Variants in CENPL observed in about 807,000 individuals in gnomAD.
The protein encoded by CENPL is interphase centromere complex protein 33.
Under a neutral mutation model 35.2 loss-of-function variants are expected in CENPL, and 20 were observed. The ratio of observed to expected loss-of-function variants is 0.57; its 90% CI spans 0.40 to 0.83. CENPL has a LOEUF of 0.83. CENPL is among the 40% of genes least tolerant of loss of function. The pLI is 0.00. For missense variants in CENPL, 363 were observed against 395.8 expected (o/e 0.92, Z 0.70); for synonymous variants, 140 against 140.6 (o/e 1.00, Z 0.03).
At chr1:173,821,327 G>A (rs1651922921) in intron 2 of CENPL, among the ~76,000 whole-genome samples, 1 of 152,188 alleles carries the variant, frequency 6.6e-6, no homozygotes, top group Admixed American at 6.5e-5. Context: ...AATCCAGACA[G>A]TCTAACTCTG....
At chr1:173,809,236 C>T (rs1175426663) in intron 3 of CENPL, among the ~76,000 whole-genome samples, 2 of 151,620 alleles carry the variant, frequency 1.3e-5, no homozygotes, top group African/African-American at 4.8e-5. Context: ...CCAGCTACTC[C>T]GGAGGCTGAG....
chr1:173,815,149 C>A (rs1053051014), intron 2 of CENPL, among the ~76,000 whole-genome samples: 1 of 152,144 alleles, frequency 6.6e-6, no homozygotes, highest in Non-Finnish European at 1.5e-5. Context: ...GAAGTCGAAT[C>A]ACTGAATAGA....
intron 2 of CENPL, among the ~76,000 whole-genome samples, chr1:173,820,693 T>C (rs1651860853): frequency 1.3e-5 from 2 of 152,118 alleles, no homozygotes; most frequent in African/African-American, 4.8e-5. Context: ...GAATGATAAA[T>C]AAACTGTGGT....
At chr1:173,802,237 G>A (rs1173678930) in intron 5 of CENPL, among the ~76,000 whole-genome samples, 4 of 150,434 alleles carry the variant, frequency 2.7e-5, no homozygotes, top group East Asian at 2.0e-4. Flanking sequence ...ACGGAGTCTC[G>A]CTCTGTCACC....
intron 2 of CENPL, among the ~76,000 whole-genome samples, chr1:173,814,874 C>CA (rs557005539): frequency 1.3e-5 from 2 of 151,858 alleles, no homozygotes; most frequent in African/African-American, 2.4e-5. Context: ...AAAAACTCTT[C>CA]AAAAAAATCA....
At chr1:173,816,637 A>C (rs1469097314) in intron 2 of CENPL, among the ~76,000 whole-genome samples, 4 of 152,242 alleles carry the variant, frequency 2.6e-5, no homozygotes, top group Non-Finnish European at 5.9e-5. Context: ...CCTTATGTAG[A>C]AAGCTGAAAC....
intron 2 of CENPL, chr1:173,823,586 G>A (rs1237654722): frequency 6.6e-6 from 1 of 152,188 alleles, no homozygotes; most frequent in African/African-American, 2.4e-5. Flanking sequence ...GTTTGTCTCA[G>A]TAAATCTTAT....
At chr1:173,820,533 C>T (rs1279815410) in intron 2 of CENPL, among the ~76,000 whole-genome samples, 1 of 150,794 alleles carries the variant, frequency 6.6e-6, no homozygotes, top group East Asian at 1.9e-4. Context: ...TAAATAAATA[C>T]ATAAACTAAA....
intron 2 of CENPL, among the ~76,000 whole-genome samples, chr1:173,812,163 T>A (rs939844544): frequency 2.0e-5 from 3 of 152,214 alleles, no homozygotes; most frequent in Admixed American, 6.5e-5. Context: ...AAAGTGGCCA[T>A]GAAGCTCAAA....
At chr1:173,815,542 C>T (rs988816934) in intron 2 of CENPL, among the ~76,000 whole-genome samples, 28 of 152,104 alleles carry the variant, frequency 1.8e-4, no homozygotes, top group African/African-American at 6.8e-4. Flanking sequence ...ATACGCAAAT[C>T]AATAAATGTA....
At chr1:173,821,150 C>T (rs1487849787) in intron 2 of CENPL, among the ~76,000 whole-genome samples, 1 of 152,198 alleles carries the variant, frequency 6.6e-6, no homozygotes, top group African/African-American at 2.4e-5. Flanking sequence ...ACTTATTGAG[C>T]ATTCATCATG....
intron 2 of CENPL, among the ~76,000 whole-genome samples, chr1:173,815,591 G>C (rs900307305): frequency 2.6e-5 from 4 of 152,118 alleles, no homozygotes; most frequent in African/African-American, 9.7e-5. Context: ...AAAACCACAT[G>C]ATTATCTCAA....
In CENPL at chr1:173,805,245, G is replaced by A. The variant is rs773117055; in HGVS notation, c.421-1740C>T. On this transcript the variant is annotated intron_variant, in intron 4 of 5. Transcript: ENST00000682279. The stretch of plus-strand genomic sequence containing the variant: ...TAAAACAGTCCCTTTATGGCTGGGC[G>A]AGATGGCTCATGCCTGCAATCTCAG... Among the ~76,000 whole-genome samples the A allele has an allele frequency of 6.4e-4, 98 of 152,222 alleles. 1 individual carries two copies. Among genetic ancestry groups the A allele is most frequent in the Middle Eastern group, 3.4e-3 (1 of 294 alleles).
intron 2 of CENPL, among the ~76,000 whole-genome samples, chr1:173,820,799 A>C (rs574660046): frequency 3.3e-5 from 5 of 152,236 alleles, no homozygotes; most frequent in African/African-American, 1.2e-4. Flanking sequence ...AAAAGGTCAC[A>C]TATAAAATTT....
Position 173,803,035 on chromosome 1 carries a change from A to T in CENPL, c.891T>A (p.Ile297=). The T allele has an allele frequency of 3.7e-6, 6 of 1,613,810 alleles. No individual in the cohort carries two copies. Among genetic ancestry groups the T allele is most frequent in the Non-Finnish European group, 5.1e-6 (6 of 1,179,700 alleles). The change falls in exon 5 of 6, where the codon ATT becomes ATA. Residue 297 remains isoleucine (I), a synonymous_variant. Coordinates refer to ENST00000682279, the MANE Select transcript of CENPL (RefSeq NM_001387287.1). ...LYSHFHRHFK[I]HLSATRLVRV... ...GAACTAATCTTGTGGCTGATAAATG[A>T]ATTTTGAAATGTCTATGGAAATGTG...
intron 2 of CENPL, among the ~76,000 whole-genome samples, chr1:173,817,288 G>A (rs1286566424): frequency 6.6e-6 from 1 of 152,038 alleles, no homozygotes; most frequent in African/African-American, 2.4e-5. Context: ...AATCTAAAAA[G>A]GACTTAAACA....
intron 5 of CENPL, among the ~76,000 whole-genome samples, chr1:173,802,173 AT>A (rs2102560515): frequency 6.6e-6 from 1 of 152,010 alleles, no homozygotes; most frequent in South Asian, 2.1e-4. Flanking sequence ...ATTTTAATAT[AT>A]TTTAGGAGCC....
chr1:173,800,561 T>C, intron 5 of CENPL, 42 bp from the exon 6 acceptor site: 1 of 777,982 alleles, frequency 1.3e-6, no homozygotes, highest in East Asian at 2.6e-5. Context: ...ATTAGAATAG[T>C]ATTAATTATA....
At chr1:173,818,216 C>T (rs536385690) in intron 2 of CENPL, among the ~76,000 whole-genome samples, 1 of 152,180 alleles carries the variant, frequency 6.6e-6, no homozygotes, top group South Asian at 2.1e-4. Context: ...CTTCACAAAG[C>T]TAATTCCTTA....
Sources: gnomAD v4.1 joint callset for allele counts (sites outside exome capture counted in the v4.1 genomes callset) on GRCh38, gnomAD v4.1.1 for gene constraint, MANE v1.5 for transcripts, NCBI Gene and HGNC (gene_info 2026-07-23, HGNC 2026-07-21) for gene names.